DYRK1A: variants seen among roughly 807,000 people sequenced by gnomAD.
DYRK1A encodes the protein dual specificity tyrosine-phosphorylation-regulated kinase 1A.
Under a neutral mutation model 79.7 loss-of-function variants are expected in DYRK1A, and 9 were observed. The ratio of observed to expected loss-of-function variants is 0.11; its 90% CI spans 0.07 to 0.20. The LOEUF (loss-of-function observed/expected upper bound fraction) is 0.20, where lower values mean the gene tolerates loss of function less well. DYRK1A is among the 10% of genes least tolerant of loss of function. The pLI is 1.00. For missense variants in DYRK1A, 622 were observed against 956.0 expected (o/e 0.65, Z 4.61); for synonymous variants, 349 against 329.7 (o/e 1.06, Z -0.63).
chr21:37,397,882 T>G (rs982330493), intron 1 of DYRK1A, among the ~76,000 whole-genome samples: 10 of 151,938 alleles, frequency 6.6e-5, no homozygotes, highest in African/African-American at 2.4e-4. Context: ...CTGGCTCCTG[T>G]ACCACACAGG....
At chr21:37,430,173 A>G (rs2050737947) in intron 2 of DYRK1A, 1 of 428,700 alleles carries the variant, frequency 2.3e-6, no homozygotes, top group Non-Finnish European at 3.1e-6. Flanking sequence ...TTTTTACCTC[A>G]CAGCTGTTAC....
chr21:37,372,465 G>T (rs2049452592), intron 1 of DYRK1A, among the ~76,000 whole-genome samples: 1 of 150,550 alleles, frequency 6.6e-6, no homozygotes, highest in Admixed American at 6.6e-5. Context: ...AAAAAAAAAG[G>T]TTTGAACTGT....
rs369797697 is a variant in DYRK1A at position 37,374,782 on chromosome 21, T to C, written c.-77+7154T>C. Among the ~76,000 whole-genome samples, 17 of 152,296 alleles carry C rather than the reference T, an allele frequency of 1.1e-4. No homozygotes were observed. The South Asian group carries it at 1.2e-3, about 11-fold the overall frequency. On this transcript the variant is annotated intron_variant, in intron 1 of 11. Transcript: ENST00000647188. ...GTTAGCCAGGATGGTCTCAATCTCCTGACCTCGTGATCCGCCTGCCTTGGC... is the reference window on the plus strand; with the variant it reads ...GTTAGCCAGGATGGTCTCAATCTCCCGACCTCGTGATCCGCCTGCCTTGGC...
chr21:37,478,165 T>G (rs749018281), intron 3 of DYRK1A, 43 bp from the exon 4 acceptor site: 1 of 1,610,690 alleles, frequency 6.2e-7, no homozygotes, highest in Non-Finnish European at 8.5e-7. Flanking sequence ...GTGCTAGTCT[T>G]TTCTGTCTAT....
At position 37,475,745 on chromosome 21, in the gene DYRK1A, A is replaced by G. The variant is rs546325407; in HGVS notation, c.208-2463A>G. 3.9e-5 allele frequency among the ~76,000 whole-genome samples: 6 copies of G among 152,318 alleles called. No homozygotes were observed. In the South Asian group the frequency reaches 8.3e-4, roughly 21 times the overall value. On this transcript the variant is annotated intron_variant, in intron 3 of 11. Coordinates refer to ENST00000647188, the MANE Select transcript of DYRK1A (RefSeq NM_001347721.2). ...CACTCATATTGAGTGCAGAAATTTG[A>G]TCATGTAACTCATGTTTATATCCTA...
At chr21:37,384,080 T>C (rs988032144) in intron 1 of DYRK1A, among the ~76,000 whole-genome samples, 7 of 152,096 alleles carry the variant, frequency 4.6e-5, no homozygotes, top group East Asian at 1.9e-4. Flanking sequence ...AGTTTTCTGC[T>C]TGAAGGCACT....
chr21:37,473,953 C>G (rs1445187577), intron 3 of DYRK1A, among the ~76,000 whole-genome samples: 1 of 152,160 alleles, frequency 6.6e-6, no homozygotes, highest in Non-Finnish European at 1.5e-5. Context: ...GCCTGGAAAT[C>G]TAATAATAAT....
At chr21:37,403,181 T>C (rs561935638) in intron 1 of DYRK1A, among the ~76,000 whole-genome samples, 1 of 152,162 alleles carries the variant, frequency 6.6e-6, no homozygotes, top group Non-Finnish European at 1.5e-5. Flanking sequence ...TATTATGTTA[T>C]TCATTTTTAG....
At chr21:37,415,860 T>C (rs2050328230) in intron 1 of DYRK1A, among the ~76,000 whole-genome samples, 1 of 152,190 alleles carries the variant, frequency 6.6e-6, no homozygotes. Context: ...AATTTAGTAT[T>C]CTGTTCTAAA....
intron 1 of DYRK1A, among the ~76,000 whole-genome samples, 184 bp downstream of exon 1, chr21:37,367,812 G>A (rs2049342104): frequency 6.7e-6 from 1 of 150,314 alleles, no homozygotes; most frequent in African/African-American, 2.4e-5. Flanking sequence ...CGGAGGAGCG[G>A]CGGGCGCGAG....
chr21:37,392,686 G>A (rs191383358), intron 1 of DYRK1A, among the ~76,000 whole-genome samples: 18 of 152,298 alleles, frequency 1.2e-4, no homozygotes, highest in African/African-American at 4.1e-4. Context: ...TACTGTTAGG[G>A]CCTAATGTAG....
intron 1 of DYRK1A, among the ~76,000 whole-genome samples, chr21:37,409,619 G>A (rs1266472225): frequency 1.3e-5 from 2 of 151,986 alleles, no homozygotes; most frequent in South Asian, 2.1e-4. Context: ...GAATTTCTTG[G>A]ACCATTTTTT....
chr21:37,492,447 G>A (rs1452658800), intron 7 of DYRK1A, among the ~76,000 whole-genome samples: 1 of 152,220 alleles, frequency 6.6e-6, no homozygotes, highest in Non-Finnish European at 1.5e-5. Context: ...GAGGTAGAGA[G>A]AGAAGATGAG....
chr21:37,494,139 G>A (rs781255482), intron 8 of DYRK1A, among the ~76,000 whole-genome samples: 16 of 151,556 alleles, frequency 1.1e-4, no homozygotes, highest in African/African-American at 3.9e-4. Flanking sequence ...TGGTCTGCCC[G>A]TCTCAGCCTC....
rs1292926016 is a variant in DYRK1A at position 37,514,657 on chromosome 21, G to C, written c.*2126G>C. 6.6e-6 allele frequency: 1 copy of C among 152,560 alleles called. No individual in the cohort carries two copies. The highest frequency in any genetic ancestry group is 1.5e-5 in the Non-Finnish European group (1 of 68,016). 9.5% of individuals were successfully genotyped at this position (152,560 alleles called of 1,614,324 possible). A position where few individuals can be genotyped will look rare whatever the true frequency, so the allele number is the denominator to read the frequency against. On this transcript the variant is annotated 3_prime_UTR_variant, in exon 12 of 12. Transcript: ENST00000647188. ...ACAAAAACTTTTTGTTGTTTATCAG[G>C]AAATCCATATTTATTTTGTAATTAA...
intron 1 of DYRK1A, among the ~76,000 whole-genome samples, chr21:37,411,373 C>T (rs530501405): frequency 6.8e-6 from 1 of 147,582 alleles, no homozygotes; most frequent in East Asian, 2.1e-4. Flanking sequence ...ACCCCCTCCC[C>T]CCCAAAAAAT....
intron 1 of DYRK1A, among the ~76,000 whole-genome samples, chr21:37,403,382 A>T (rs1168707996): frequency 6.6e-6 from 1 of 151,958 alleles, no homozygotes; most frequent in Admixed American, 6.6e-5. Flanking sequence ...TTGGTGTTTT[A>T]CTGACTCCTT....
chr21:37,380,168 A>G (rs979787076), intron 1 of DYRK1A, among the ~76,000 whole-genome samples: 2 of 152,046 alleles, frequency 1.3e-5, no homozygotes, highest in African/African-American at 4.8e-5. Context: ...TAAAAATAGG[A>G]CTCTAGCCCT....
Position 37,494,138 on chromosome 21 carries a change from C to CA in DYRK1A, c.1071+975_1071+976insA, listed in dbSNP as rs535226704. On this transcript the variant is annotated intron_variant, in intron 8 of 11. Coordinates refer to ENST00000647188, the MANE Select transcript of DYRK1A (RefSeq NM_001347721.2). ...AACTCCTGACCTCAAGTGGTCTGCC[C>CA]GTCTCAGCCTCCCAAAGTGCTGAGA... 2.6e-4 allele frequency among the ~76,000 whole-genome samples: 40 copies of CA among 151,868 alleles called. 1 individual carries two copies. In the South Asian group the frequency reaches 7.9e-3, roughly 30 times the overall value.
Sources: allele counts gnomAD v4.1 joint callset (sites outside exome capture counted in the v4.1 genomes callset), GRCh38; gene constraint gnomAD v4.1.1; transcripts MANE v1.5; gene names NCBI Gene and HGNC (gene_info 2026-07-23, HGNC 2026-07-21).